The following POLR2D variants were observed in gnomAD, a reference collection of about 807,000 sequenced individuals.
POLR2D encodes the protein RNA polymerase II subunit D, also known as DNA-directed RNA polymerase II subunit RPB4.
Under a neutral mutation model 17.6 loss-of-function variants are expected in POLR2D, and 10 were observed. That is an observed-to-expected ratio of 0.57 (90% CI 0.35 to 0.96). POLR2D has a LOEUF of 0.96. Ranked by LOEUF, POLR2D falls within the 40% of genes least tolerant of loss-of-function variation. POLR2D has a pLI of 0.02. For synonymous variants in POLR2D, 52 were observed against 60.2 expected (o/e 0.86, Z 0.63); for missense variants, 126 against 176.4 (o/e 0.71, Z 1.62).
rs755224601 is a variant in POLR2D at position 127,847,633 on chromosome 2, TAAA to T, written c.*471_*473del. 232 of 145,810 alleles carry T rather than the reference TAAA, an allele frequency of 1.6e-3. No homozygotes were observed. The highest frequency in any genetic ancestry group is 5.8e-3 in the South Asian group (36 of 6,198). 9.0% of individuals were successfully genotyped at this position (145,810 alleles called of 1,614,324 possible). ...CAAGAGTTAAGACCCTATCTCCATT[TAAA>T]AAAAAAAAAAAAAAGCATTTCAAAC... On this transcript the variant is annotated 3_prime_UTR_variant, in exon 4 of 4. Transcript: ENST00000272645.
At chr2:127,848,925 G>A (rs1690199602) in intron 3 of POLR2D, among the ~76,000 whole-genome samples, 1 of 152,158 alleles carries the variant, frequency 6.6e-6, no homozygotes, top group Admixed American at 6.5e-5. Context: ...CTCCCAAAGT[G>A]CTGGGATTAC....
At chr2:127,848,984 C>T (rs1301932386) in intron 3 of POLR2D, among the ~76,000 whole-genome samples, 1 of 151,378 alleles carries the variant, frequency 6.6e-6, no homozygotes, top group Non-Finnish European at 1.5e-5. Flanking sequence ...TTACTGTCTT[C>T]ATGTTTTCTA....
intron 3 of POLR2D, among the ~76,000 whole-genome samples, chr2:127,849,182 C>A (rs1160321991): frequency 6.6e-6 from 1 of 151,870 alleles, no homozygotes; most frequent in Non-Finnish European, 1.5e-5. Flanking sequence ...GTAGCCGGGA[C>A]TACAGTCGCA....
At chr2:127,857,684 A>G (rs1690361108) in intron 1 of POLR2D, 1 of 480,310 alleles carries the variant, frequency 2.1e-6, no homozygotes, top group Non-Finnish European at 2.8e-6. Flanking sequence ...GAGGTTCTGT[A>G]CTAATCGAAG....
rs759344343 is a variant in POLR2D at position 127,858,100 on chromosome 2, TCGCCGCGCCG to T, written c.-10_-1del. 12 of 1,498,282 alleles carry T rather than the reference TCGCCGCGCCG, an allele frequency of 8.0e-6. No homozygotes were observed. The highest frequency in any genetic ancestry group is 7.0e-5 in the Admixed American group (3 of 42,926). 92.8% of individuals were successfully genotyped at this position (1,498,282 alleles called of 1,614,324 possible). A position where few individuals can be genotyped will look rare whatever the true frequency, so the allele number is the denominator to read the frequency against. On this transcript the variant is annotated 5_prime_UTR_variant, in exon 1 of 4. Transcript: ENST00000272645. Reference sequence around the variant, plus strand: ...CGCGGATCGCTGCCACCCGCCGCCATCGCCGCGCCGCGCCGCGCGCCACCACCAGCGCCGC... The same window carrying T: ...CGCGGATCGCTGCCACCCGCCGCCATCGCCGCGCGCCACCACCAGCGCCGC...
Position 127,847,901 on chromosome 2 carries a change from C to T in POLR2D, c.*206G>A. ...TTCAGGAAGCCACTGGCTGCCACTG[C>T]ACAAGGCTGCTCCAAGATTCCATGT... On this transcript the variant is annotated 3_prime_UTR_variant, in exon 4 of 4. Coordinates refer to ENST00000272645, the MANE Select transcript of POLR2D (RefSeq NM_004805.4). 1 of 594,200 alleles carries T rather than the reference C, an allele frequency of 1.7e-6. No homozygotes were observed. Among genetic ancestry groups the T allele is most frequent in the Non-Finnish European group, 3.0e-6 (1 of 332,260 alleles). 36.8% of individuals were successfully genotyped at this position (594,200 alleles called of 1,614,324 possible). A position where few individuals can be genotyped will look rare whatever the true frequency, so the allele number is the denominator to read the frequency against.
rs1690143376 is a variant in POLR2D at position 127,845,732 on chromosome 2, C to T, written c.*2375G>A. 6.6e-6 allele frequency: 1 copy of T among 152,144 alleles called. No homozygotes were observed. 9.4% of individuals were successfully genotyped at this position (152,144 alleles called of 1,614,324 possible). A position where few individuals can be genotyped will look rare whatever the true frequency, so the allele number is the denominator to read the frequency against. On this transcript the variant is annotated 3_prime_UTR_variant, in exon 4 of 4. Transcript: ENST00000272645. ...CAGTTGGTAGGCTAACAAATTCTTG[C>T]ACTAATTTCTATGAAGCAAGCTGAC...
chr2:127,853,514 C>T (rs573749123), intron 1 of POLR2D, among the ~76,000 whole-genome samples: 1 of 152,230 alleles, frequency 6.6e-6, no homozygotes, highest in African/African-American at 2.4e-5. Flanking sequence ...TGAATGGCCT[C>T]CAGCTCCATC....
At chr2:127,856,143 G>A (rs1321707846) in intron 1 of POLR2D, among the ~76,000 whole-genome samples, 1 of 151,234 alleles carries the variant, frequency 6.6e-6, no homozygotes, top group African/African-American at 2.4e-5. Context: ...AATTAGCCAG[G>A]AGTGGTGGCC....
chr2:127,849,070 G>A (rs1276789459), intron 3 of POLR2D, among the ~76,000 whole-genome samples: 1 of 151,502 alleles, frequency 6.6e-6, no homozygotes, highest in East Asian at 2.0e-4. Context: ...TTTTGGGACA[G>A]AGTGTCGCTC....
At position 127,848,163 on chromosome 2, in the gene POLR2D, C is replaced by T. The variant is rs1380147095; in HGVS notation, c.373G>A (p.Glu125Lys). Residue 125 changes from glutamate (E) to lysine (K), a missense_variant, in exon 4 of 4, where the codon GAG becomes AAG. Around this residue, in one of 2 missense-constraint regions of POLR2D, gnomAD observed 85 missense variants for 151.4 expected, o/e 0.56. Coordinates refer to ENST00000272645, the MANE Select transcript of POLR2D (RefSeq NM_004805.4). Reference sequence around the variant, plus strand: ...TCATCAAGAATCTGCTGCAGCTCCTCATCTTCAAACCGTCCCTCCAAGCTA... The same window carrying T: ...TCATCAAGAATCTGCTGCAGCTCCTTATCTTCAAACCGTCCCTCCAAGCTA... ...IPSLEGRFED[E>K]ELQQILDDIQ... The T allele has an allele frequency of 6.2e-7, 1 of 1,611,398 alleles. No homozygotes were observed. The highest frequency in any genetic ancestry group is 8.5e-7 in the Non-Finnish European group (1 of 1,178,340).
intron 3 of POLR2D, among the ~76,000 whole-genome samples, chr2:127,848,791 C>T (rs1219139506): frequency 1.3e-5 from 2 of 152,228 alleles, no homozygotes; most frequent in African/African-American, 2.4e-5. Flanking sequence ...GCTGGGATTA[C>T]AGGCGTAAGC....
Position 127,847,265 on chromosome 2 carries a change from T to G in POLR2D, c.*842A>C, listed in dbSNP as rs1011437801. 1.3e-5 allele frequency: 2 copies of G among 152,224 alleles called. No individual in the cohort carries two copies. The highest frequency in any genetic ancestry group is 1.3e-4 in the Admixed American group (2 of 15,260). 9.4% of individuals were successfully genotyped at this position (152,224 alleles called of 1,614,324 possible). On this transcript the variant is annotated 3_prime_UTR_variant, in exon 4 of 4. Coordinates refer to ENST00000272645, the MANE Select transcript of POLR2D (RefSeq NM_004805.4). ...ACAATACTTAGCACTTGTCCCCAAGTGTAAACACTTCCCATGGCGTGCTTC... is the reference window on the plus strand; with the variant it reads ...ACAATACTTAGCACTTGTCCCCAAGGGTAAACACTTCCCATGGCGTGCTTC...
At position 127,858,090 on chromosome 2, in the gene POLR2D, C is replaced by T. The variant is rs1050402771; in HGVS notation, c.11G>A (p.Gly4Asp). MAA[G>D]GSDPRAGDVE... Reference sequence around the variant, plus strand: ...GTCGCCAGCCCGCGGATCGCTGCCACCCGCCGCCATCGCCGCGCCGCGCCG... The same window carrying T: ...GTCGCCAGCCCGCGGATCGCTGCCATCCGCCGCCATCGCCGCGCCGCGCCG... Residue 4 changes from glycine to aspartate, a missense_variant, in exon 1 of 4, where the codon GGT becomes GAT. Physicochemically the swap from Gly to Asp is moderately conservative, Grantham distance 94 (BLOSUM62 -1). Transcript: ENST00000272645. 6.6e-7 allele frequency: 1 copy of T among 1,515,548 alleles called. No individual in the cohort carries two copies. Among genetic ancestry groups the T allele is most frequent in the Non-Finnish European group, 8.8e-7 (1 of 1,133,640 alleles). The allele number at this position is 1,515,548 out of a possible 1,614,324, so 93.9% of individuals were successfully genotyped here.
rs1044126022 is a variant in POLR2D, at chr2:127,848,003, C to T, written c.*104G>A. 1 of 846,178 alleles carries T rather than the reference C, an allele frequency of 1.2e-6. No homozygotes were observed. Among genetic ancestry groups the T allele is most frequent in the Admixed American group, 1.9e-5 (1 of 53,064 alleles). 52.4% of individuals were successfully genotyped at this position (846,178 alleles called of 1,614,324 possible). A position where few individuals can be genotyped will look rare whatever the true frequency, so the allele number is the denominator to read the frequency against. ...GGGCTGTTTTCTCCAAAGGAATTCT[C>T]AACTGTCTTCAACAGAATTTCTGTG... On this transcript the variant is annotated 3_prime_UTR_variant, in exon 4 of 4. Transcript: ENST00000272645.
chr2:127,850,464 A>AAT, intron 3 of POLR2D, 126 bp downstream of exon 3: 1 of 384,912 alleles, frequency 2.6e-6, no homozygotes, highest in Non-Finnish European at 4.9e-6. Context: ...AAAAAAAAAA[A>AAT]GGCACTTTCA....
intron 3 of POLR2D, among the ~76,000 whole-genome samples, chr2:127,849,449 ATTGCCATACATTTAAAAAAAATTTGTT>A (rs1432760024): frequency 1.1e-4 from 17 of 152,196 alleles, no homozygotes; most frequent in African/African-American, 4.1e-4. Context: ...AGTATTTATC[ATTGCCATACATTTAAAAAAAATTTGTT>A]TTGCCATACA....
rs1191115066 is a variant in POLR2D, at chr2:127,846,642, G to GT, written c.*1464dup. ...CAGAACTTCAAGCCTGGCCTATGAAGTAAAAAAAAAAAAAAATTTTTTTAA... is the reference window on the plus strand; with the variant it reads ...CAGAACTTCAAGCCTGGCCTATGAAGTTAAAAAAAAAAAAAAATTTTTTTAA... On this transcript the variant is annotated 3_prime_UTR_variant, in exon 4 of 4. Coordinates refer to ENST00000272645, the MANE Select transcript of POLR2D (RefSeq NM_004805.4). 1.5e-4 allele frequency: 22 copies of GT among 149,308 alleles called. 1 individual carries two copies. 9.2% of individuals were successfully genotyped at this position (149,308 alleles called of 1,614,324 possible).
intron 3 of POLR2D, 37 bp from the exon 4 acceptor site, chr2:127,848,222 C>A: frequency 7.2e-7 from 1 of 1,385,590 alleles, no homozygotes; most frequent in South Asian, 1.2e-5. Context: ...GATTTGGCGA[C>A]TGGCAATTTC....
Sources: gnomAD v4.1 joint callset for allele counts (sites outside exome capture counted in the v4.1 genomes callset) on GRCh38, gnomAD v4.1.1 for gene constraint, gnomAD v4.1.1 regional missense constraint, MANE v1.5 for transcripts, NCBI Gene and HGNC (gene_info 2026-07-23, HGNC 2026-07-21) for gene names.